The following ESRRG variants were observed in gnomAD, a reference collection of about 807,000 sequenced individuals.
ESRRG encodes estrogen related receptor gamma.
A neutral mutation model predicts 44.0 loss-of-function variants in ESRRG; 13 were observed. The ratio of observed to expected loss-of-function variants is 0.30; its 90% CI spans 0.19 to 0.47. The LOEUF (loss-of-function observed/expected upper bound fraction) is 0.47, where lower values mean the gene tolerates loss of function less well. Among genes scored for constraint, ESRRG ranks in the 20% least tolerant of loss-of-function variants. The pLI is 1.00. For missense variants in ESRRG, 395 were observed against 580.6 expected, an observed-to-expected ratio of 0.68 and a Z score of 3.29; for synonymous variants, 215 against 214.6, an observed-to-expected ratio of 1.00 and a Z score of -0.02.
chr1:216,770,447 A>G (rs1329144951), intron 2 of ESRRG, among the ~76,000 whole-genome samples: 1 of 152,204 alleles, frequency 6.6e-6, no homozygotes, highest in Middle Eastern at 3.4e-3. Context: ...TTCCAGCATG[A>G]GCCAAGGCCT....
intron 2 of ESRRG, among the ~76,000 whole-genome samples, chr1:216,835,753 A>T (rs11585678): frequency 0.23 from 34,716 of 152,078 alleles, 4,195 homozygotes; most frequent in African/African-American, 0.3. Flanking sequence ...TAAAAGAATT[A>T]CAGGCTACCA....
rs114136138 is a variant in ESRRG, at chr1:216,695,328, A to C, written c.57-17837T>G. On this transcript the variant is annotated intron_variant, in intron 1 of 6. Transcript: ENST00000408911. ...TGTAGAACTAAACACACACACACAC[A>C]CACAAATGAATATGAGTAAAACTGG... is the stretch of plus-strand genomic sequence containing the variant. 7.3e-3 allele frequency among the ~76,000 whole-genome samples: 1,118 copies of C among 152,290 alleles called. 11 individuals are homozygous for C. The highest frequency in any genetic ancestry group is 0.025 in the African/African-American group (1,053 of 41,562).
At chr1:216,651,366 A>T (rs1420311815) in intron 2 of ESRRG, among the ~76,000 whole-genome samples, 3 of 152,184 alleles carry the variant, frequency 2.0e-5, no homozygotes, top group Non-Finnish European at 2.9e-5. Flanking sequence ...ATGCAAAGTA[A>T]GAGTCTTCCA....
At chr1:216,965,837 C>T (rs781535665) in intron 1 of ESRRG, among the ~76,000 whole-genome samples, 12 of 152,168 alleles carry the variant, frequency 7.9e-5, no homozygotes, top group Non-Finnish European at 1.5e-4. Flanking sequence ...GTCTGGTGCA[C>T]TACTCTAAGA....
intron 1 of ESRRG, among the ~76,000 whole-genome samples, chr1:216,979,333 A>G (rs959711324): frequency 2.0e-5 from 3 of 152,134 alleles, no homozygotes; most frequent in Admixed American, 6.6e-5. Flanking sequence ...TTCTGCTTTG[A>G]GATTTGACAT....
chr1:216,742,782 A>G (rs1287270903), intron 2 of ESRRG, among the ~76,000 whole-genome samples: 1 of 152,128 alleles, frequency 6.6e-6, no homozygotes, highest in African/African-American at 2.4e-5. Flanking sequence ...TTACACACCA[A>G]AAGTAAACTG....
At chr1:216,976,503 A>G (rs920837676) in intron 1 of ESRRG, among the ~76,000 whole-genome samples, 2 of 152,174 alleles carry the variant, frequency 1.3e-5, no homozygotes, top group African/African-American at 4.8e-5. Context: ...TACCTTCAGC[A>G]GATGTAACCT....
intron 2 of ESRRG, among the ~76,000 whole-genome samples, chr1:216,768,328 A>C (rs2093189761): frequency 6.6e-6 from 1 of 152,166 alleles, no homozygotes; most frequent in Non-Finnish European, 1.5e-5. Flanking sequence ...CCTAATATCT[A>C]TAGTTTCCTC....
At chr1:217,077,907 T>C (rs551842466) in intron 1 of ESRRG, among the ~76,000 whole-genome samples, 335 of 152,304 alleles carry the variant, frequency 2.2e-3, no homozygotes, top group Non-Finnish European at 3.8e-3. Context: ...ACAAGTCACA[T>C]CTAAATGCTA....
chr1:217,015,387 A>G (rs2079191193), intron 1 of ESRRG, among the ~76,000 whole-genome samples: 1 of 152,354 alleles, frequency 6.6e-6, no homozygotes, highest in African/African-American at 2.4e-5. Flanking sequence ...CTACCTAAAC[A>G]AGAATTAAAC....
chr1:217,114,980 C>T (rs1279567962), intron 1 of ESRRG, among the ~76,000 whole-genome samples: 1 of 152,068 alleles, frequency 6.6e-6, no homozygotes, highest in Non-Finnish European at 1.5e-5. Flanking sequence ...TTCTAGTTAA[C>T]AGTGTCTTCT....
At chr1:216,918,733 T>C (rs192820031) in intron 2 of ESRRG, among the ~76,000 whole-genome samples, 10 of 151,576 alleles carry the variant, frequency 6.6e-5, no homozygotes, top group Non-Finnish European at 1.2e-4. Context: ...AGCAGAATGT[T>C]AGCTAAAAAT....
At chr1:216,512,013 G>T (rs1029634241) in intron 6 of ESRRG, among the ~76,000 whole-genome samples, 5 of 151,992 alleles carry the variant, frequency 3.3e-5, no homozygotes, top group East Asian at 1.9e-4. Context: ...TGTAACACTG[G>T]TAACCAAATA....
intron 1 of ESRRG, among the ~76,000 whole-genome samples, chr1:217,008,480 G>T (rs2078080856): frequency 6.6e-6 from 1 of 152,114 alleles, no homozygotes; most frequent in Admixed American, 6.5e-5. Context: ...AGATTTCCTT[G>T]AAGTGGCATA....
chr1:216,642,725 C>G (rs2066698216), intron 3 of ESRRG, among the ~76,000 whole-genome samples: 1 of 152,072 alleles, frequency 6.6e-6, no homozygotes. Flanking sequence ...TTTTTGAAGG[C>G]AGTAGGAGCC....
At chr1:216,552,395 G>A (rs2056593526) in intron 5 of ESRRG, among the ~76,000 whole-genome samples, 1 of 152,150 alleles carries the variant, frequency 6.6e-6, no homozygotes, top group African/African-American at 2.4e-5. Context: ...TCTCTGACTA[G>A]CTTGTGACCT....
intron 2 of ESRRG, among the ~76,000 whole-genome samples, chr1:216,674,939 T>C (rs2075827845): frequency 6.6e-6 from 1 of 151,208 alleles, no homozygotes. Flanking sequence ...TGTGTTCTCA[T>C]CAGCCACAGA....
At chr1:216,873,436 T>G in intron 2 of ESRRG, among the ~76,000 whole-genome samples, 1 of 151,970 alleles carries the variant, frequency 6.6e-6, no homozygotes, top group East Asian at 1.9e-4. Flanking sequence ...GGTCTCGAAC[T>G]CCTGACCTCA....
intron 3 of ESRRG, among the ~76,000 whole-genome samples, chr1:216,571,951 G>A (rs1253903127): frequency 6.6e-6 from 1 of 152,066 alleles, no homozygotes; most frequent in African/African-American, 2.4e-5. Context: ...AAAATTTCTA[G>A]AGCCAATATA....
Sources: gnomAD v4.1 joint callset for allele counts (sites outside exome capture counted in the v4.1 genomes callset) on GRCh38, gnomAD v4.1.1 for gene constraint, MANE v1.5 for transcripts, NCBI Gene and HGNC (gene_info 2026-07-23, HGNC 2026-07-21) for gene names.